Variants in SEPTIN9 observed in about 807,000 individuals in gnomAD.
SEPTIN9 encodes the protein septin 9.
In SEPTIN9, 13 loss-of-function variants were observed where a neutral mutation model predicts 56.6. The ratio of observed to expected loss-of-function variants is 0.23; its 90% CI spans 0.15 to 0.37. The LOEUF (loss-of-function observed/expected upper bound fraction) is 0.37. SEPTIN9 is among the 10% of genes least tolerant of loss of function. SEPTIN9 has a pLI of 1.00. For synonymous variants in SEPTIN9, 332 were observed against 334.1 expected, an observed-to-expected ratio of 0.99 and a Z score of 0.07; for missense variants, 650 against 823.1, an observed-to-expected ratio of 0.79 and a Z score of 2.57.
At chr17:77,399,748 T>C (rs565346357) in intron 2 of SEPTIN9, among the ~76,000 whole-genome samples, 2 of 152,082 alleles carry the variant, frequency 1.3e-5, no homozygotes, top group Non-Finnish European at 2.9e-5. Context: ...CAACCTTTCC[T>C]TGGGGCCCTG....
In SEPTIN9 at chr17:77,341,636, G is replaced by A. The variant is rs963137761; in HGVS notation, c.76+34439G>A. Among the ~76,000 whole-genome samples, 15 of 152,122 alleles carry A rather than the reference G, an allele frequency of 9.9e-5. No individual in the cohort carries two copies. The East Asian group carries it at 1.9e-3, about 20-fold the overall frequency. On this transcript the variant is annotated intron_variant, in intron 2 of 11. Coordinates refer to ENST00000427177, the MANE Select transcript of SEPTIN9 (RefSeq NM_001113491.2). ...CTAAAAATACCAAAATTAGCCAGGC[G>A]TGGTGGCGGGTGCCTGTAGTCCCAG...
Position 77,319,761 on chromosome 17 carries a change from A to T in SEPTIN9, c.76+12564A>T. On this transcript the variant is annotated intron_variant, in intron 2 of 11. Coordinates refer to ENST00000427177, the MANE Select transcript of SEPTIN9 (RefSeq NM_001113491.2). The surrounding 1 kb of genome is among the most constrained non-coding windows in gnomAD (Gnocchi z 5.3). The stretch of plus-strand genomic sequence containing the variant: ...CAAGGAAATCGTAGCATCGCGGGAC[A>T]GGGAAAATGAAAGACTTTGGAAGTC... The T allele has an allele frequency of 9.3e-7, 1 of 1,071,902 alleles. No homozygotes were observed. The highest frequency in any genetic ancestry group is 1.1e-6 in the Non-Finnish European group (1 of 882,688). 66.4% of individuals were successfully genotyped at this position (1,071,902 alleles called of 1,614,324 possible).
chr17:77,487,040 C>T lies in SEPTIN9; in HGVS notation c.914-384C>T, dbSNP rs112426686. 1.2e-4 allele frequency among the ~76,000 whole-genome samples: 18 copies of T among 152,310 alleles called. No individual in the cohort carries two copies. The highest frequency in any genetic ancestry group is 4.1e-4 in the African/African-American group (17 of 41,556). On this transcript the variant is annotated intron_variant, in intron 4 of 11. Transcript: ENST00000427177. This position sits in a 1 kb window ranked among gnomAD's most constrained non-coding sequence, Gnocchi z 4.3. ...CTGCAGGAATCCCGGCCACCTGGTGCACCCTGGGCAGCCCTGGGCTCCTCC... is the reference window on the plus strand; with the variant it reads ...CTGCAGGAATCCCGGCCACCTGGTGTACCCTGGGCAGCCCTGGGCTCCTCC...
intron 2 of SEPTIN9, among the ~76,000 whole-genome samples, chr17:77,351,936 C>T (rs1298173512): frequency 1.3e-5 from 2 of 152,212 alleles, no homozygotes; most frequent in Non-Finnish European, 2.9e-5. Flanking sequence ...TGGGAAAATG[C>T]ACTGACACTT....
At chr17:77,465,757 G>A (rs2038687889) in intron 3 of SEPTIN9, among the ~76,000 whole-genome samples, 2 of 152,090 alleles carry the variant, frequency 1.3e-5, no homozygotes, top group African/African-American at 4.8e-5. Flanking sequence ...TGTCTTTTCT[G>A]TGGTAGACTG....
At chr17:77,350,407 A>C (rs896299706) in intron 2 of SEPTIN9, among the ~76,000 whole-genome samples, 3 of 152,232 alleles carry the variant, frequency 2.0e-5, no homozygotes, top group African/African-American at 7.2e-5. Context: ...TACCAGTGGC[A>C]TGCAGGAGGC....
At chr17:77,344,368 G>A (rs12946105) in intron 2 of SEPTIN9, among the ~76,000 whole-genome samples, 20,271 of 152,222 alleles carry the variant, frequency 0.13, 1,772 homozygotes, top group South Asian at 0.23. Flanking sequence ...GCAAGTGTTG[G>A]CAAGGATATG....
At chr17:77,361,834 G>T (rs1293937156) in intron 2 of SEPTIN9, among the ~76,000 whole-genome samples, 1 of 151,376 alleles carries the variant, frequency 6.6e-6, no homozygotes, top group East Asian at 1.9e-4. Flanking sequence ...GGGTTTCACC[G>T]TGTTAGCCAG....
chr17:77,292,020 C>T (rs907604309), intron 1 of SEPTIN9, among the ~76,000 whole-genome samples: 20 of 152,290 alleles, frequency 1.3e-4, no homozygotes, highest in South Asian at 8.3e-4. Context: ...ATCCCCTTGT[C>T]GAGGTCTTTG....
chr17:77,438,957 T>C (rs1020905523), intron 3 of SEPTIN9, among the ~76,000 whole-genome samples: 4 of 152,154 alleles, frequency 2.6e-5, no homozygotes, highest in African/African-American at 9.7e-5. Flanking sequence ...CCGTAGCAAA[T>C]CCATTTCCCC....
intron 4 of SEPTIN9, among the ~76,000 whole-genome samples, chr17:77,484,969 GGGGGTGA>G (rs2143284119): frequency 1.3e-5 from 1 of 77,844 alleles, no homozygotes; most frequent in Non-Finnish European, 2.8e-5. Flanking sequence ...TGGTGGTGAA[GGGGGTGA>G]TGGTGGTGAT....
intron 2 of SEPTIN9, chr17:77,376,097 G>A (rs1156439536): frequency 1.0e-6 from 1 of 986,256 alleles, no homozygotes; most frequent in Non-Finnish European, 1.2e-6. Context: ...GTATGGAGGA[G>A]GCGGACCTTG....
intron 2 of SEPTIN9, among the ~76,000 whole-genome samples, chr17:77,337,646 G>A (rs2033597913): frequency 6.6e-6 from 1 of 151,994 alleles, no homozygotes; most frequent in African/African-American, 2.4e-5. Context: ...ACTAGGAAAG[G>A]TGATTGTTTG....
At position 77,425,106 on chromosome 17, in the gene SEPTIN9, A is replaced by AC. The variant is rs2036853821; in HGVS notation, c.721+22408dup. 6.6e-6 allele frequency among the ~76,000 whole-genome samples: 1 copy of AC among 151,582 alleles called. No individual in the cohort carries two copies. The highest frequency in any genetic ancestry group is 2.4e-5 in the African/African-American group (1 of 41,190). ...AAGTGAGCTCTGCTCCAGTCCCCCC[A>AC]CCCCCGGGGCTGTTCCTGGCGCCCT... is the stretch of plus-strand genomic sequence containing the variant. On this transcript the variant is annotated intron_variant, in intron 3 of 11. Coordinates refer to ENST00000427177, the MANE Select transcript of SEPTIN9 (RefSeq NM_001113491.2). This position sits in a 1 kb window ranked among gnomAD's most constrained non-coding sequence, Gnocchi z 4.2.
At chr17:77,458,447 A>T (rs982977670) in intron 3 of SEPTIN9, among the ~76,000 whole-genome samples, 3 of 152,090 alleles carry the variant, frequency 2.0e-5, no homozygotes, top group Admixed American at 2.0e-4. Context: ...GACAGGGAGG[A>T]GCCCCACTCG....
chr17:77,439,520 A>G (rs1598377546), intron 3 of SEPTIN9, among the ~76,000 whole-genome samples: 1 of 152,130 alleles, frequency 6.6e-6, no homozygotes, highest in Admixed American at 6.5e-5. Flanking sequence ...GGGCGTCCCC[A>G]CCTTGCCGCA....
chr17:77,414,572 CT>C (rs559525322), intron 3 of SEPTIN9, among the ~76,000 whole-genome samples: 482 of 123,786 alleles, frequency 3.9e-3, no homozygotes, highest in East Asian at 0.016. Flanking sequence ...TGTGTGGATT[CT>C]TTTTTTTTTT....
chr17:77,420,064 T>C (rs1301062764), intron 3 of SEPTIN9, among the ~76,000 whole-genome samples: 1 of 152,112 alleles, frequency 6.6e-6, no homozygotes, highest in African/African-American at 2.4e-5. Flanking sequence ...CCCAGGTGCC[T>C]GGGCCATGGA....
intron 2 of SEPTIN9, among the ~76,000 whole-genome samples, chr17:77,379,413 T>A (rs1417750241): frequency 6.6e-6 from 1 of 152,106 alleles, no homozygotes; most frequent in East Asian, 1.9e-4. Flanking sequence ...GTGATGGGCA[T>A]CACCCAGGGT....
Sources: allele counts gnomAD v4.1 joint callset (sites outside exome capture counted in the v4.1 genomes callset), GRCh38; gene constraint gnomAD v4.1.1; non-coding constraint Gnocchi (gnomAD v3.1); transcripts MANE v1.5; gene names NCBI Gene and HGNC (gene_info 2026-07-23, HGNC 2026-07-21).